The following NTRK3 variants were observed in gnomAD, a reference collection of about 807,000 sequenced individuals.
NTRK3 encodes the protein NT-3 growth factor receptor.
In NTRK3, 24 loss-of-function variants were observed where a neutral mutation model predicts 91.7. The ratio of observed to expected loss-of-function variants is 0.26; its 90% CI spans 0.19 to 0.37. The LOEUF (loss-of-function observed/expected upper bound fraction) is 0.37, where lower values mean the gene tolerates loss of function less well. Among genes scored for constraint, NTRK3 ranks in the 10% least tolerant of loss-of-function variants. The pLI is 1.00. For synonymous variants in NTRK3, 483 were observed against 404.0 expected (o/e 1.20, Z -2.34); for missense variants, 880 against 1,068.9 (o/e 0.82, Z 2.46).
At chr15:87,959,538 C>G (rs879927590) in intron 14 of NTRK3, among the ~76,000 whole-genome samples, 3 of 152,208 alleles carry the variant, frequency 2.0e-5, no homozygotes, top group Non-Finnish European at 4.4e-5. Flanking sequence ...TCAATCACAG[C>G]TCTGAGTTCA....
rs8029719 is a variant in NTRK3 at position 88,019,032 on chromosome 15, T to C, written c.1585+13825A>G. Among the ~76,000 whole-genome samples the C allele has an allele frequency of 8.3e-4, 126 of 152,132 alleles. 2 individuals are homozygous for C. In the East Asian group the frequency reaches 0.021, roughly 25 times the overall value. On this transcript the variant is annotated intron_variant, in intron 14 of 18. Transcript: ENST00000394480. ...ATTCACACAGCTTGCTCAACCAAGA[T>C]AGTTGGATCCAGCTAAAACCACAAG...
intron 5 of NTRK3, among the ~76,000 whole-genome samples, chr15:88,152,921 C>G (rs2043527178): frequency 6.6e-6 from 1 of 152,010 alleles, no homozygotes; most frequent in East Asian, 2.0e-4. Context: ...AACAGACAAC[C>G]AGGGGCATAC....
At chr15:87,999,768 C>G (rs2075966121) in intron 14 of NTRK3, among the ~76,000 whole-genome samples, 2 of 152,158 alleles carry the variant, frequency 1.3e-5, no homozygotes, top group Non-Finnish European at 2.9e-5. Context: ...GGCACTGGGA[C>G]AGACAATAGA....
intron 6 of NTRK3, chr15:88,143,901 T>C (rs151184493): frequency 9.8e-5 from 15 of 152,342 alleles, no homozygotes; most frequent in African/African-American, 2.2e-4. Context: ...TACTCCAATC[T>C]ATTTTAATCA....
chr15:87,966,104 AAAC>A (rs1189116611), intron 14 of NTRK3, among the ~76,000 whole-genome samples: 75 of 152,024 alleles, frequency 4.9e-4, no homozygotes, highest in African/African-American at 1.7e-3. Flanking sequence ...ACAAACAAAC[AAAC>A]AAAAAACTCC....
At chr15:87,917,230 C>G (rs539439746) in intron 17 of NTRK3, among the ~76,000 whole-genome samples, 1 of 152,312 alleles carries the variant, frequency 6.6e-6, no homozygotes, top group African/African-American at 2.4e-5. Flanking sequence ...CTTCCCACTT[C>G]TAAAGAATGT....
intron 5 of NTRK3, among the ~76,000 whole-genome samples, chr15:88,161,555 A>G (rs1017479044): frequency 2.0e-5 from 3 of 152,142 alleles, no homozygotes; most frequent in African/African-American, 7.2e-5. Context: ...TTGGAGTCCA[A>G]TTTTTCACTG....
At chr15:88,131,794 A>C (rs1597486191) in intron 10 of NTRK3, among the ~76,000 whole-genome samples, 1 of 152,298 alleles carries the variant, frequency 6.6e-6, no homozygotes, top group East Asian at 1.9e-4. Flanking sequence ...AAAGCACATA[A>C]GCTTTGGAAG....
intron 17 of NTRK3, chr15:87,916,696 C>T (rs1596238440): frequency 3.1e-6 from 2 of 648,492 alleles, no homozygotes; most frequent in East Asian, 5.5e-5. Context: ...ATTTTTATTC[C>T]ACTGGTTTCC....
At chr15:88,102,272 C>T (rs935987228) in intron 13 of NTRK3, among the ~76,000 whole-genome samples, 4 of 152,156 alleles carry the variant, frequency 2.6e-5, no homozygotes, top group African/African-American at 9.6e-5. Context: ...TCTAATTCTT[C>T]ATGAATTGCT....
chr15:87,955,470 C>T (rs2071561077), intron 14 of NTRK3, among the ~76,000 whole-genome samples: 1 of 152,198 alleles, frequency 6.6e-6, no homozygotes, highest in Non-Finnish European at 1.5e-5. Flanking sequence ...GGAGGGCAGC[C>T]GACAACAAAT....
chr15:88,111,909 T>TTTC, intron 13 of NTRK3, among the ~76,000 whole-genome samples: 2 of 36,672 alleles, frequency 5.5e-5, no homozygotes, highest in South Asian at 1.5e-3. Flanking sequence ...TTTGTTTTTG[T>TTTC]TTTTTTTTTT....
chr15:87,876,081 A>G (rs2064939466), exon 19 of NTRK3: 2 of 232,266 alleles, frequency 8.6e-6, no homozygotes, highest in African/African-American at 2.2e-5. Flanking sequence ...GGTTTCAGCT[A>G]TTTTTTCTTC....
intron 13 of NTRK3, among the ~76,000 whole-genome samples, chr15:88,078,042 C>T (rs1008814784): frequency 6.6e-6 from 1 of 152,214 alleles, no homozygotes; most frequent in African/African-American, 2.4e-5. Flanking sequence ...GACAGCAACC[C>T]CCTGCCCAGG....
rs2053894503 is a variant in NTRK3 at position 88,255,196 on chromosome 15, A to C, written c.248+710T>G. Among the ~76,000 whole-genome samples, 1 of 151,988 alleles carries C rather than the reference A, an allele frequency of 6.6e-6. No homozygotes were observed. The highest frequency in any genetic ancestry group is 2.4e-5 in the African/African-American group (1 of 41,382). Reference sequence around the variant, plus strand: ...AGTTCCGAGCAGTTATCAAAGCCCAAACTGGGAAGGGATCTGTAGGCGCCC... The same window carrying C: ...AGTTCCGAGCAGTTATCAAAGCCCACACTGGGAAGGGATCTGTAGGCGCCC... On this transcript the variant is annotated intron_variant, in intron 3 of 18. Coordinates refer to ENST00000394480, the Ensembl canonical transcript of NTRK3. The surrounding 1 kb of genome is among the most constrained non-coding windows in gnomAD (Gnocchi z 4.3).
intron 13 of NTRK3, among the ~76,000 whole-genome samples, chr15:88,060,151 C>G (rs921110096): frequency 9.9e-5 from 15 of 152,010 alleles, no homozygotes; most frequent in Non-Finnish European, 2.1e-4. Context: ...GTGGCCAAGG[C>G]AGGAAGATTA....
At chr15:87,923,211 T>C (rs1055609351) in intron 17 of NTRK3, among the ~76,000 whole-genome samples, 1 of 152,232 alleles carries the variant, frequency 6.6e-6, no homozygotes, top group Non-Finnish European at 1.5e-5. Flanking sequence ...GTACAATTCA[T>C]GTTTTTTCTC....
intron 3 of NTRK3, among the ~76,000 whole-genome samples, chr15:88,227,558 T>C (rs2050783512): frequency 1.3e-5 from 2 of 152,082 alleles, no homozygotes; most frequent in Non-Finnish European, 2.9e-5. Flanking sequence ...AAGGCCGCCA[T>C]CTGCAAGCCA....
intron 17 of NTRK3, among the ~76,000 whole-genome samples, chr15:87,918,054 C>T (rs1419584458): frequency 6.6e-6 from 1 of 151,936 alleles, no homozygotes; most frequent in African/African-American, 2.4e-5. Context: ...TTACAAACTG[C>T]AAGTGGCTTT....
Sources: gnomAD v4.1 joint callset for allele counts (sites outside exome capture counted in the v4.1 genomes callset) on GRCh38, gnomAD v4.1.1 for gene constraint, Gnocchi (gnomAD v3.1) non-coding constraint, MANE v1.5 for transcripts, NCBI Gene and HGNC (gene_info 2026-07-23, HGNC 2026-07-21) for gene names.